GLDC: variants seen among roughly 807,000 people sequenced by gnomAD.
GLDC encodes the protein glycine dehydrogenase (decarboxylating), mitochondrial.
A neutral mutation model predicts 121.3 loss-of-function variants in GLDC; 104 were observed. The ratio of observed to expected loss-of-function variants is 0.86; its 90% CI spans 0.73 to 1.01. The LOEUF (loss-of-function observed/expected upper bound fraction) is 1.01. Among genes scored for constraint, GLDC ranks in the 50% least tolerant of loss-of-function variants. The pLI is 0.00. For synonymous variants in GLDC, 546 were observed against 480.6 expected (o/e 1.14, Z -1.78); for missense variants, 1,429 against 1,306.6 (o/e 1.09, Z -1.44).
chr9:6,593,180 AAAGAGTAAG>A (rs1401415412), intron 9 of GLDC, 190 bp from the exon 10 acceptor site: 8 of 609,124 alleles, frequency 1.3e-5, no homozygotes, highest in Non-Finnish European at 2.3e-5. Flanking sequence ...AATACATATA[AAAGAGTAAG>A]GAAAATCAAC....
chr9:6,553,553 A>C (rs370032162), intron 19 of GLDC, 44 bp from the exon 20 acceptor site: 19 of 1,595,670 alleles, frequency 1.2e-5, no homozygotes, highest in Non-Finnish European at 1.6e-5. Context: ...TAAACGATTC[A>C]GTTTAATCTA....
chr9:6,556,929 G>C (rs1204462476), intron 17 of GLDC, among the ~76,000 whole-genome samples: 1 of 152,124 alleles, frequency 6.6e-6, no homozygotes, highest in Non-Finnish European at 1.5e-5. Context: ...TTTTCCCTTG[G>C]TTCAAGTCAT....
At position 6,610,374 on chromosome 9, in the gene GLDC, G is replaced by T. The variant is rs768024835; in HGVS notation, c.471-18C>A. 1.9e-6 allele frequency: 3 copies of T among 1,613,342 alleles called. No homozygotes were observed. In the South Asian group the frequency reaches 3.3e-5, roughly 18 times the overall value. On this transcript the variant is annotated intron_variant, in intron 3 of 24. Transcript: ENST00000321612. ...GGGTGATCCTGCAAGGGAAACAAAA[G>T]GTCTTGTCCAAACTGACTGCTGTTT... is the stretch of plus-strand genomic sequence containing the variant.
chr9:6,605,964 A>G (rs1482653518), intron 5 of GLDC: 2 of 159,504 alleles, frequency 1.3e-5, no homozygotes, highest in African/African-American at 2.4e-5. Context: ...TCTGTTTTTC[A>G]AACGTTCCAA....
intron 24 of GLDC, among the ~76,000 whole-genome samples, chr9:6,533,856 C>T (rs1817053212): frequency 7.5e-6 from 1 of 133,904 alleles, no homozygotes; most frequent in African/African-American, 2.8e-5. Flanking sequence ...AAAACTCTAT[C>T]TCAAAAAAAA....
chr9:6,633,364 C>T (rs1467290649), intron 2 of GLDC, among the ~76,000 whole-genome samples: 3 of 152,154 alleles, frequency 2.0e-5, no homozygotes, highest in Admixed American at 6.5e-5. Flanking sequence ...ATGAATTTGT[C>T]GGAAAACTCA....
At chr9:6,546,954 T>G (rs1817405732) in intron 21 of GLDC, among the ~76,000 whole-genome samples, 1 of 151,934 alleles carries the variant, frequency 6.6e-6, no homozygotes, top group Admixed American at 6.6e-5. Flanking sequence ...CAAGCGAGAC[T>G]CTGTCTCAAA....
Position 6,595,116 on chromosome 9 carries a change from G to A in GLDC, c.1159C>T (p.Leu387Phe), listed in dbSNP as rs746083772. The change falls in exon 9 of 25, where the codon CTC becomes TTC. Residue 387 changes from leucine to phenylalanine, a missense_variant. Leu to Phe is a conservative substitution (Grantham distance 22). Coordinates refer to ENST00000321612, the MANE Select transcript of GLDC (RefSeq NM_000170.3). ...ATSNICTAQALLANMAAMFAI... is the reference protein window; with the variant it reads ...ATSNICTAQAFLANMAAMFAI... ...AACATGGCAGCCATATTCGCCAAGA[G>A]GGCCTAAAAGATAAGAACATTTAAA... 6 of 1,600,014 alleles carry A rather than the reference G, an allele frequency of 3.7e-6. No homozygotes were observed. In the South Asian group the frequency reaches 4.4e-5, roughly 12 times the overall value.
intron 17 of GLDC, 114 bp downstream of exon 17, chr9:6,558,445 G>A: frequency 8.1e-7 from 1 of 1,240,542 alleles, no homozygotes; most frequent in Non-Finnish European, 1.2e-6. Flanking sequence ...AGGAAGAACT[G>A]CAGACTTTTC....
At chr9:6,633,191 C>T (rs1310792927) in intron 2 of GLDC, among the ~76,000 whole-genome samples, 1 of 152,154 alleles carries the variant, frequency 6.6e-6, no homozygotes, top group Non-Finnish European at 1.5e-5. Context: ...GTCGAGAATA[C>T]GACACAGGGG....
chr9:6,620,351 C>T (rs766028724), intron 2 of GLDC, 32 bp from the exon 3 acceptor site: 22 of 1,593,428 alleles, frequency 1.4e-5, no homozygotes, highest in Non-Finnish European at 1.9e-5. Flanking sequence ...ATGTTACAGA[C>T]AGATGTCTCA....
At chr9:6,565,299 G>A (rs1220388989) in intron 16 of GLDC, 55 bp downstream of exon 16, 2 of 1,241,896 alleles carry the variant, frequency 1.6e-6, no homozygotes, top group African/African-American at 2.9e-5. Flanking sequence ...GGGACCCTGA[G>A]AGCCAGGACC....
intron 15 of GLDC, among the ~76,000 whole-genome samples, chr9:6,576,500 CTT>C (rs1300827904): frequency 3.3e-5 from 5 of 152,072 alleles, no homozygotes; most frequent in African/African-American, 1.2e-4. Flanking sequence ...GGGTTTCACT[CTT>C]GTCGCCCAGG....
chr9:6,585,019 A>G (rs1023650338), intron 15 of GLDC: 20 of 152,320 alleles, frequency 1.3e-4, no homozygotes, highest in African/African-American at 4.6e-4. Flanking sequence ...TCATGTAGGG[A>G]ACTTTAAAGA....
At chr9:6,585,178 A>T (rs1477632562) in intron 15 of GLDC, 1 of 152,180 alleles carries the variant, frequency 6.6e-6, no homozygotes, top group Non-Finnish European at 1.5e-5. Flanking sequence ...CTGCTTTAAG[A>T]AGACAAATTT....
At chr9:6,594,909 T>C in intron 9 of GLDC, 105 bp downstream of exon 9, 1 of 782,754 alleles carries the variant, frequency 1.3e-6, no homozygotes, top group Non-Finnish European at 2.3e-6. Flanking sequence ...GTTTCTCACT[T>C]GACTTTTAAT....
chr9:6,550,176 A>C (rs773926520), intron 21 of GLDC, among the ~76,000 whole-genome samples: 3 of 151,850 alleles, frequency 2.0e-5, no homozygotes, highest in Non-Finnish European at 4.4e-5. Context: ...GAGTTACTCT[A>C]CTCTTTCAAG....
At chr9:6,581,941 C>T (rs971873677) in intron 15 of GLDC, among the ~76,000 whole-genome samples, 4 of 152,048 alleles carry the variant, frequency 2.6e-5, no homozygotes, top group African/African-American at 7.2e-5. Flanking sequence ...ATAGGCTGGG[C>T]GTGGTGTTCC....
chr9:6,592,647 T>G (rs545726845), intron 10 of GLDC, among the ~76,000 whole-genome samples: 10 of 152,188 alleles, frequency 6.6e-5, no homozygotes, highest in Non-Finnish European at 1.3e-4. Flanking sequence ...ATGAAAACAC[T>G]AAGTCTAAAA....
Sources: allele counts gnomAD v4.1 joint callset (sites outside exome capture counted in the v4.1 genomes callset), GRCh38; gene constraint gnomAD v4.1.1; transcripts MANE v1.5; gene names NCBI Gene and HGNC (gene_info 2026-07-23, HGNC 2026-07-21).